The following SMTNL2 variants were observed in gnomAD, a reference collection of about 807,000 sequenced individuals.
SMTNL2 encodes smoothelin like 2.
Under a neutral mutation model 44.1 loss-of-function variants are expected in SMTNL2, and 43 were observed. The ratio of observed to expected loss-of-function variants is 0.98; its 90% CI spans 0.76 to 1.26. The LOEUF is 1.26. Among genes scored for constraint, SMTNL2 ranks in the 50% most tolerant of loss-of-function variants. The pLI, the probability that SMTNL2 is intolerant of heterozygous loss-of-function variation, is 0.00. For missense variants in SMTNL2, 646 were observed against 670.2 expected (o/e 0.96, Z 0.40); for synonymous variants, 317 against 287.6 (o/e 1.10, Z -1.03).
At chr17:4,585,164 T>C (rs1567630433) in intron 1 of SMTNL2, among the ~76,000 whole-genome samples, 160 bp downstream of exon 1, 1 of 152,158 alleles carries the variant, frequency 6.6e-6, no homozygotes, top group Non-Finnish European at 1.5e-5. Flanking sequence ...CCCTCCGGAG[T>C]TGGAGAGGGC....
Position 4,596,994 on chromosome 17 carries a change from C to T in SMTNL2, c.1107+17C>T. 1 of 1,486,432 alleles carries T rather than the reference C, an allele frequency of 6.7e-7. No individual in the cohort carries two copies. The highest frequency in any genetic ancestry group is 9.0e-7 in the Non-Finnish European group (1 of 1,112,070). The allele number at this position is 1,486,432 out of a possible 1,614,324, so 92.1% of individuals were successfully genotyped here. A position where few individuals can be genotyped will look rare whatever the true frequency, so the allele number is the denominator to read the frequency against. On this transcript the variant is annotated intron_variant, in intron 6 of 7. Transcript: ENST00000389313. The stretch of plus-strand genomic sequence containing the variant: ...GGCTACCAGGTGAGCCCCGGCTCCC[C>T]TCCGGCTGCTGGGACGCCCCAGCTA...
intron 7 of SMTNL2, among the ~76,000 whole-genome samples, chr17:4,606,217 G>A (rs796173308): frequency 1.2e-4 from 18 of 152,156 alleles, no homozygotes; most frequent in African/African-American, 4.1e-4. Context: ...TGCCTCCTGG[G>A]TTCAAGCAAT....
chr17:4,593,931 G>A (rs1274147470), intron 4 of SMTNL2, 34 bp downstream of exon 4: 1 of 1,608,506 alleles, frequency 6.2e-7, no homozygotes, highest in South Asian at 1.1e-5. Flanking sequence ...TGGGGTCGCT[G>A]CGCCCCAGGT....
rs1056361317 is a variant in SMTNL2, at chr17:4,596,906, G to A, written c.1036G>A (p.Gly346Ser). Residue 346 changes from glycine (G) to serine (S), a missense_variant, in exon 6 of 8, where the codon GGC (glycine) becomes AGC (serine). Transcript: ENST00000389313. ...CAGGCTGAAGCGGTCGCAGAGCTTC[G>A]GCGTGGCCAGCGCCAGCAGCATCAA... ...RARLKRSQSF[G>S]VASASSIKQI... is the part of the protein sequence containing the mutation. 44 of 1,520,838 alleles carry A rather than the reference G, an allele frequency of 2.9e-5. No homozygotes were observed. Among genetic ancestry groups the A allele is most frequent in the Non-Finnish European group, 3.5e-5 (39 of 1,128,850 alleles). 94.2% of individuals were successfully genotyped at this position (1,520,838 alleles called of 1,614,324 possible).
intron 4 of SMTNL2, among the ~76,000 whole-genome samples, chr17:4,594,477 AAATG>A (rs955241294): frequency 6.6e-6 from 1 of 151,776 alleles, no homozygotes; most frequent in African/African-American, 2.4e-5. Flanking sequence ...ATAAATAAAT[AAATG>A]AATAAAAAAC....
Position 4,607,283 on chromosome 17 carries a change from C to T in SMTNL2, c.1260-78C>T, listed in dbSNP as rs1403357378. On this transcript the variant is annotated intron_variant, in intron 7 of 7. Coordinates refer to ENST00000389313, the MANE Select transcript of SMTNL2 (RefSeq NM_001114974.2). The surrounding 1 kb of genome is among the most constrained non-coding windows in gnomAD (Gnocchi z 4.7). ...GCCGGCTGAGCTCTGTTCCCGGGAC[C>T]GAGACACCGGCCCTGTCGCGGCTGT... The T allele has an allele frequency of 8.8e-6, 14 of 1,591,436 alleles. No individual in the cohort carries two copies. Among genetic ancestry groups the T allele is most frequent in the Admixed American group, 8.5e-5 (5 of 58,762 alleles).
Position 4,597,226 on chromosome 17 carries a change from G to A in SMTNL2, c.1162G>A (p.Ala388Thr), listed in dbSNP as rs771916564. 1.8e-5 allele frequency: 29 copies of A among 1,613,980 alleles called. No individual in the cohort carries two copies. The highest frequency in any genetic ancestry group is 2.2e-5 in the South Asian group (2 of 91,084). Residue 388 changes from alanine (A) to threonine (T), a missense_variant, in exon 7 of 8, where the codon GCC becomes ACC. Transcript: ENST00000389313. ...CTGGAGCGACGGCATGGCCTTCTGC[G>A]CCCTGGTACACTCCTTCTTCCCCGA... The part of the protein sequence containing the change: ...SSWSDGMAFC[A>T]LVHSFFPDAF...
Position 4,595,239 on chromosome 17 carries a change from G to A in SMTNL2, c.901G>A (p.Val301Met). The A allele has an allele frequency of 6.2e-7, 1 of 1,613,262 alleles. No homozygotes were observed. Among genetic ancestry groups the A allele is most frequent in the Non-Finnish European group, 8.5e-7 (1 of 1,179,978 alleles). Residue 301 changes from valine (V) to methionine (M), a missense_variant, in exon 5 of 8, where the codon GTG becomes ATG. By Grantham distance (21) the Val-to-Met change is conservative. Transcript: ENST00000389313. This position sits in a 1 kb window ranked among gnomAD's most constrained non-coding sequence, Gnocchi z 5.1. The part of the protein sequence containing the change: ...HRQGERRREL[V>M]RSQTLPRTSE... ...GCAGGGGGAGCGTCGCAGGGAGCTG[G>A]TGAGGTCGCAGACGCTGCCCCGCAC...
rs1413280228 is a variant in SMTNL2 at position 4,595,529 on chromosome 17, G to A, written c.989+202G>A. ...GGGGGACAGAGGACCCCAGTTGTTG[G>A]GGGAGATGGCTGTGAGGCAGGGAGC... On this transcript the variant is annotated intron_variant, in intron 5 of 7. Transcript: ENST00000389313. This position sits in a 1 kb window ranked among gnomAD's most constrained non-coding sequence, Gnocchi z 5.1. 6.6e-6 allele frequency among the ~76,000 whole-genome samples: 1 copy of A among 152,356 alleles called. No homozygotes were observed. The highest frequency in any genetic ancestry group is 3.4e-3 in the Middle Eastern group (1 of 294).
Position 4,607,283 on chromosome 17 carries a change from C to G in SMTNL2, c.1260-78C>G. 1 of 1,591,566 alleles carries G rather than the reference C, an allele frequency of 6.3e-7. No homozygotes were observed. The highest frequency in any genetic ancestry group is 8.6e-7 in the Non-Finnish European group (1 of 1,167,178). ...GCCGGCTGAGCTCTGTTCCCGGGAC[C>G]GAGACACCGGCCCTGTCGCGGCTGT... On this transcript the variant is annotated intron_variant, in intron 7 of 7. Coordinates refer to ENST00000389313, the MANE Select transcript of SMTNL2 (RefSeq NM_001114974.2). The surrounding 1 kb of genome is among the most constrained non-coding windows in gnomAD (Gnocchi z 4.7).
chr17:4,584,949 T>C lies in SMTNL2; in HGVS notation c.344T>C (p.Leu115Pro). 7.4e-7 allele frequency: 1 copy of C among 1,348,434 alleles called. No homozygotes were observed. The highest frequency in any genetic ancestry group is 9.5e-7 in the Non-Finnish European group (1 of 1,052,906). 83.5% of individuals were successfully genotyped at this position (1,348,434 alleles called of 1,614,324 possible). The change falls in exon 1 of 8, where the codon CTG (leucine) becomes CCG (proline). Residue 115 changes from leucine (L) to proline (P), a missense_variant. Coordinates refer to ENST00000389313, the MANE Select transcript of SMTNL2 (RefSeq NM_001114974.2). ...GGGGTTCCCGACCGCGCGCCCCGCC[T>C]GGGCAGCGCACGCTTCGCCAGCCAC... is the stretch of plus-strand genomic sequence containing the variant. ...APGVPDRAPRLGSARFASHAT... is the reference protein window; with the variant it reads ...APGVPDRAPRPGSARFASHAT...
intron 4 of SMTNL2, among the ~76,000 whole-genome samples, chr17:4,594,473 A>AAATAAAT (rs1555546829): frequency 2.6e-5 from 4 of 151,830 alleles, no homozygotes; most frequent in African/African-American, 9.7e-5. Context: ...ATAAATAAAT[A>AAATAAAT]AATAAATGAA....
chr17:4,597,955 T>C (rs1909883288), intron 7 of SMTNL2, among the ~76,000 whole-genome samples: 2 of 152,160 alleles, frequency 1.3e-5, no homozygotes, highest in South Asian at 4.1e-4. Flanking sequence ...GTCAGGTCTG[T>C]CTGCCAGGGC....
Position 4,592,369 on chromosome 17 carries a change from T to G in SMTNL2, c.408T>G (p.Asp136Glu). The G allele has an allele frequency of 6.2e-7, 1 of 1,613,550 alleles. No homozygotes were observed. Among genetic ancestry groups the G allele is most frequent in the Non-Finnish European group, 8.5e-7 (1 of 1,179,954 alleles). ...CATTTGTGTCTCTGTAGAGTTTGGA[T>G]CACGATGAGGCCAGTGAGTCGGAGA... ...FSLSGRGQSL[D>E]HDEASESEMR... Residue 136 changes from aspartate to glutamate, a missense_variant, in exon 2 of 8, where the codon GAT (aspartate) becomes GAG (glutamate). Coordinates refer to ENST00000389313, the MANE Select transcript of SMTNL2 (RefSeq NM_001114974.2). This position sits in a 1 kb window ranked among gnomAD's most constrained non-coding sequence, Gnocchi z 4.5.
At chr17:4,590,143 T>C (rs923024452) in intron 1 of SMTNL2, among the ~76,000 whole-genome samples, 3 of 151,788 alleles carry the variant, frequency 2.0e-5, no homozygotes, top group Non-Finnish European at 4.4e-5. Context: ...ATTGTTGTAT[T>C]TTTAGTAGAG....
chr17:4,596,668 G>T (rs555043816), intron 5 of SMTNL2, among the ~76,000 whole-genome samples, 192 bp from the exon 6 acceptor site: 1 of 152,172 alleles, frequency 6.6e-6, no homozygotes, highest in Admixed American at 6.5e-5. Flanking sequence ...AGGCTGTGTC[G>T]CTGGTACATG....
At chr17:4,597,383 T>C in intron 7 of SMTNL2, 60 bp downstream of exon 7, 1 of 1,588,220 alleles carries the variant, frequency 6.3e-7, no homozygotes, top group Admixed American at 1.8e-5. Context: ...CCCAACTTCT[T>C]CCCCAGGTGG....
rs55954023 is a variant in SMTNL2, at chr17:4,604,002, A to G, written c.1260-3359A>G. Reference sequence around the variant, plus strand: ...TGGGACTGCAGGCATACGCCACCACACCCAGCTAATTTTTGTATTTTTAGT... The same window carrying G: ...TGGGACTGCAGGCATACGCCACCACGCCCAGCTAATTTTTGTATTTTTAGT... On this transcript the variant is annotated intron_variant, in intron 7 of 7. Coordinates refer to ENST00000389313, the MANE Select transcript of SMTNL2 (RefSeq NM_001114974.2). Among the ~76,000 whole-genome samples, 1,417 of 151,976 alleles carry G rather than the reference A, an allele frequency of 9.3e-3. 2 individuals are homozygous for G. The highest frequency in any genetic ancestry group is 0.012 in the Non-Finnish European group (828 of 67,950).
rs1233481600 is a variant in SMTNL2 at position 4,598,787 on chromosome 17, G to A, written c.1259+1464G>A. ...TGCAGTGAGCTGAGATCGCACCACTGTACTCCAGCCTGGGTGGCAGAGTGA... is the reference window on the plus strand; with the variant it reads ...TGCAGTGAGCTGAGATCGCACCACTATACTCCAGCCTGGGTGGCAGAGTGA... On this transcript the variant is annotated intron_variant, in intron 7 of 7. Transcript: ENST00000389313. This position sits in a 1 kb window ranked among gnomAD's most constrained non-coding sequence, Gnocchi z 4.8. 1.2e-4 allele frequency among the ~76,000 whole-genome samples: 18 copies of A among 151,542 alleles called. No homozygotes were observed. The highest frequency in any genetic ancestry group is 1.5e-5 in the Non-Finnish European group (1 of 67,914).
Sources: allele counts gnomAD v4.1 joint callset (sites outside exome capture counted in the v4.1 genomes callset), GRCh38; gene constraint gnomAD v4.1.1; non-coding constraint Gnocchi (gnomAD v3.1); transcripts MANE v1.5; gene names NCBI Gene and HGNC (gene_info 2026-07-23, HGNC 2026-07-21).